The following ZNF831 variants were observed in gnomAD, a reference collection of about 807,000 sequenced individuals.
ZNF831 encodes zinc finger protein 831, also known as chromosome 20 open reading frame 174.
A neutral mutation model predicts 95.8 loss-of-function variants in ZNF831; 59 were observed. That is an observed-to-expected ratio of 0.62 (90% CI 0.50 to 0.77). The LOEUF (loss-of-function observed/expected upper bound fraction) is 0.77. Ranked by LOEUF, ZNF831 falls within the 30% of genes least tolerant of loss-of-function variation. The pLI is 0.00. For synonymous variants in ZNF831, 961 were observed against 925.5 expected (o/e 1.04, Z -0.70); for missense variants, 2,205 against 2,164.0 (o/e 1.02, Z -0.38).
Position 59,191,383 on chromosome 20 carries a change from C to A in ZNF831, c.364C>A (p.Pro122Thr), listed in dbSNP as rs1188706432. 1 of 1,609,384 alleles carries A rather than the reference C, an allele frequency of 6.2e-7. No homozygotes were observed. The highest frequency in any genetic ancestry group is 2.2e-5 in the East Asian group (1 of 44,838). ...TLTVNIVGTL[P>T]VLSPGLGPTL... Reference sequence around the variant, plus strand: ...GACGGTGAACATCGTGGGCACTCTGCCTGTCCTGTCGCCGGGCCTGGGCCC... The same window carrying A: ...GACGGTGAACATCGTGGGCACTCTGACTGTCCTGTCGCCGGGCCTGGGCCC... Residue 122 changes from proline to threonine, a missense_variant, in exon 2 of 6, where the codon CCT becomes ACT. By Grantham distance (38) the Pro-to-Thr change is conservative. Coordinates refer to ENST00000371030, the MANE Select transcript of ZNF831 (RefSeq NM_178457.3).
At chr20:59,164,940 G>T (rs1221202596) in intron 1 of ZNF831, among the ~76,000 whole-genome samples, 1 of 152,178 alleles carries the variant, frequency 6.6e-6, no homozygotes, top group Non-Finnish European at 1.5e-5. Flanking sequence ...TAGAAAAATG[G>T]TAACATTAGC....
intron 1 of ZNF831, among the ~76,000 whole-genome samples, chr20:59,125,450 C>G (rs565234704): frequency 8.5e-5 from 13 of 152,228 alleles, no homozygotes; most frequent in African/African-American, 2.4e-4. Flanking sequence ...CTCTCCCCAC[C>G]CCCCCGCAGC....
intron 4 of ZNF831, among the ~76,000 whole-genome samples, chr20:59,232,440 A>C (rs1004487726): frequency 2.6e-5 from 4 of 151,918 alleles, no homozygotes; most frequent in African/African-American, 9.7e-5. Flanking sequence ...TCAGAAAAGG[A>C]GATTTTCCGT....
At chr20:59,239,967 T>C (rs2146721350) in intron 4 of ZNF831, among the ~76,000 whole-genome samples, 1 of 152,358 alleles carries the variant, frequency 6.6e-6, no homozygotes, top group South Asian at 2.1e-4. Context: ...CCCTGTGCTA[T>C]GGTGAACTGG....
rs551645693 is a variant in ZNF831, at chr20:59,197,746, C to G, written c.3875+1741C>G. Among the ~76,000 whole-genome samples the G allele has an allele frequency of 3.3e-5, 5 of 152,300 alleles. No homozygotes were observed. In the South Asian group the frequency reaches 1.0e-3, roughly 32 times the overall value. On this transcript the variant is annotated intron_variant, in intron 3 of 5. Coordinates refer to ENST00000371030, the MANE Select transcript of ZNF831 (RefSeq NM_178457.3). ...TAATGGGGCCTCTAAGCCTCATCAT[C>G]AGCCCTGGCCCAAACTTGGTGGTGT...
intron 1 of ZNF831, among the ~76,000 whole-genome samples, chr20:59,182,294 A>G (rs11908538): frequency 0.027 from 4,048 of 152,294 alleles, 201 homozygotes; most frequent in African/African-American, 0.093. Flanking sequence ...TGGGAAAAAG[A>G]AAAAGAGAAA....
chr20:59,147,048 G>A (rs1161083818), intron 2 of ZNF831: 1 of 152,222 alleles, frequency 6.6e-6, no homozygotes, highest in Non-Finnish European at 1.5e-5. Flanking sequence ...GGGTCGGAGG[G>A]GAGCTGAGTG....
At chr20:59,184,409 CCT>C (rs1491110737) in intron 1 of ZNF831, among the ~76,000 whole-genome samples, 1 of 152,150 alleles carries the variant, frequency 6.6e-6, no homozygotes, top group African/African-American at 2.4e-5. Context: ...CTCCCTCCCC[CCT>C]TTTTTTTTAC....
intron 1 of ZNF831, among the ~76,000 whole-genome samples, chr20:59,143,668 T>C (rs260015): frequency 0.2 from 30,193 of 152,174 alleles, 3,721 homozygotes; most frequent in African/African-American, 0.36. Context: ...ATGGGTTTCC[T>C]GATCAGAACA....
At chr20:59,140,824 A>G (rs6026725) in intron 1 of ZNF831, among the ~76,000 whole-genome samples, 137 of 152,322 alleles carry the variant, frequency 9.0e-4, no homozygotes, top group African/African-American at 3.1e-3. Context: ...AAAGTTCTTT[A>G]TAATATTCTG....
At chr20:59,185,940 T>A (rs1269509512) in intron 1 of ZNF831, among the ~76,000 whole-genome samples, 1 of 152,098 alleles carries the variant, frequency 6.6e-6, no homozygotes, top group African/African-American at 2.4e-5. Flanking sequence ...TCACCTATTC[T>A]CCGACTCAGC....
intron 1 of ZNF831, among the ~76,000 whole-genome samples, chr20:59,170,027 G>A (rs991915204): frequency 9.3e-5 from 14 of 151,344 alleles, no homozygotes; most frequent in East Asian, 1.9e-4. Flanking sequence ...CCTTTCTTCC[G>A]CTTGCTCTGG....
intron 1 of ZNF831, among the ~76,000 whole-genome samples, chr20:59,182,514 G>T (rs1269233850): frequency 6.6e-6 from 1 of 152,008 alleles, no homozygotes; most frequent in Non-Finnish European, 1.5e-5. Context: ...AGAAGACAGG[G>T]GACGGGGATG....
chr20:59,194,577 T>C lies in ZNF831; in HGVS notation c.3558T>C (p.Cys1186=), dbSNP rs1983935443. ...AGGCTGAGCCGCGGCTCACGTGGTG[T>C]TGCCTGAGCCGCAGTGTCCCTCTGC... is the stretch of plus-strand genomic sequence containing the variant. ...SLKAEPRLTW[C]CLSRSVPLPA... is the part of the protein sequence containing the mutation. Residue 1186 remains cysteine (C), a synonymous_variant, in exon 2 of 6, where the codon TGT becomes TGC. Coordinates refer to ENST00000371030, the MANE Select transcript of ZNF831 (RefSeq NM_178457.3). 6.2e-7 allele frequency: 1 copy of C among 1,609,106 alleles called. No individual in the cohort carries two copies. The highest frequency in any genetic ancestry group is 8.5e-7 in the Non-Finnish European group (1 of 1,177,350).
intron 4 of ZNF831, among the ~76,000 whole-genome samples, chr20:59,220,098 GA>G (rs1985979539): frequency 6.6e-6 from 1 of 152,156 alleles, no homozygotes; most frequent in African/African-American, 2.4e-5. Context: ...AAGACTTTCT[GA>G]AAACCGTTCT....
rs1297225995 is a variant in ZNF831 at position 59,254,652 on chromosome 20, A to T, written c.4943A>T (p.Lys1648Met). ...IPEAPSKSLK[K>M]RSLEGMRKQT... ...GAAGCCCCTTCTAAATCCCTCAAGA[A>T]GAGGAGTCTGGAAGGAATGAGAAAG... The change falls in exon 6 of 6, where the codon AAG (lysine) becomes ATG (methionine). Residue 1648 changes from lysine (K) to methionine (M), a missense_variant. Lys to Met is a moderately conservative substitution (Grantham distance 95, BLOSUM62 -1). Coordinates refer to ENST00000371030, the MANE Select transcript of ZNF831 (RefSeq NM_178457.3). This position sits in a 1 kb window ranked among gnomAD's most constrained non-coding sequence, Gnocchi z 4.5. 1.2e-6 allele frequency: 2 copies of T among 1,614,054 alleles called. No homozygotes were observed. Among genetic ancestry groups the T allele is most frequent in the Non-Finnish European group, 1.7e-6 (2 of 1,180,044 alleles).
At chr20:59,237,822 T>A (rs1041002736) in intron 4 of ZNF831, among the ~76,000 whole-genome samples, 1 of 152,188 alleles carries the variant, frequency 6.6e-6, no homozygotes. Context: ...TGCCTGGAGC[T>A]GGGAGGAGGT....
At chr20:59,214,045 G>A (rs566202599) in intron 4 of ZNF831, among the ~76,000 whole-genome samples, 1 of 152,244 alleles carries the variant, frequency 6.6e-6, no homozygotes, top group South Asian at 2.1e-4. Context: ...ATAAGGGTAC[G>A]ATTTGTTTAT....
At position 59,256,832 on chromosome 20, in the gene ZNF831, C is replaced by A. The variant is rs934447587; in HGVS notation, c.*2089C>A. 1.3e-5 allele frequency: 2 copies of A among 152,208 alleles called. No homozygotes were observed. The highest frequency in any genetic ancestry group is 2.9e-5 in the Non-Finnish European group (2 of 68,074). The allele number at this position is 152,208 out of a possible 1,614,324, so 9.4% of individuals were successfully genotyped here. On this transcript the variant is annotated 3_prime_UTR_variant, in exon 6 of 6. Coordinates refer to ENST00000371030, the MANE Select transcript of ZNF831 (RefSeq NM_178457.3). ...TGAAGAAGCTCCATCTAATTTTTTC[C>A]CCAGAGTTCCAGATTTTAGGGTGCA... is the stretch of plus-strand genomic sequence containing the variant.
Sources: gnomAD v4.1 joint callset for allele counts (sites outside exome capture counted in the v4.1 genomes callset) on GRCh38, gnomAD v4.1.1 for gene constraint, Gnocchi (gnomAD v3.1) non-coding constraint, MANE v1.5 for transcripts, NCBI Gene and HGNC (gene_info 2026-07-23, HGNC 2026-07-21) for gene names.